The following GATM variants were observed in gnomAD, a reference collection of about 807,000 sequenced individuals.
The protein encoded by GATM is glycine amidinotransferase, mitochondrial.
A neutral mutation model predicts 54.2 loss-of-function variants in GATM; 23 were observed. The observed-to-expected ratio is 0.42, with a 90% CI of 0.31 to 0.60. The LOEUF is 0.60. Ranked by LOEUF, GATM falls within the 20% of genes least tolerant of loss-of-function variation. GATM has a pLI of 0.14. For missense variants in GATM, 401 were observed against 544.9 expected, an observed-to-expected ratio of 0.74 and a Z score of 2.63; for synonymous variants, 168 against 183.1, an observed-to-expected ratio of 0.92 and a Z score of 0.67.
intron 6 of GATM, among the ~76,000 whole-genome samples, chr15:45,365,607 CT>C (rs1889435320): frequency 6.6e-6 from 1 of 152,164 alleles, no homozygotes; most frequent in South Asian, 2.1e-4. Flanking sequence ...AGTGGCTTCA[CT>C]TTTCCCTACA....
chr15:45,388,379 A>G (rs1218409010), intron 3 of GATM, among the ~76,000 whole-genome samples: 2 of 152,250 alleles, frequency 1.3e-5, no homozygotes, highest in East Asian at 3.8e-4. Flanking sequence ...CAGCTAAGAT[A>G]CATTTGCTAA....
At chr15:45,362,395 TA>T (rs1168036371) in intron 8 of GATM, among the ~76,000 whole-genome samples, 174 bp from the exon 9 acceptor site, 1 of 152,236 alleles carries the variant, frequency 6.6e-6, no homozygotes, top group Non-Finnish European at 1.5e-5. Context: ...CATCTGCTAA[TA>T]TAAAATCTTC....
chr15:45,389,969 T>C (rs555175236), intron 3 of GATM, among the ~76,000 whole-genome samples: 378 of 152,170 alleles, frequency 2.5e-3, no homozygotes, highest in Non-Finnish European at 3.8e-3. Context: ...AAGCAATTCT[T>C]GTGCCCCTGC....
At chr15:45,382,879 A>G (rs1437965336), upstream of GATM, among the ~76,000 whole-genome samples, 1 of 152,104 alleles carries the variant, frequency 6.6e-6, no homozygotes, top group Non-Finnish European at 1.5e-5. Context: ...TTGCTTCCTA[A>G]TTATGTTTCC....
At chr15:45,386,610 G>A (rs1889806750) in intron 3 of GATM, among the ~76,000 whole-genome samples, 1 of 152,190 alleles carries the variant, frequency 6.6e-6, no homozygotes, top group African/African-American at 2.4e-5. Flanking sequence ...TCTCTGTTGT[G>A]CACTTTGCCC....
At chr15:45,394,038 C>G (rs7181167) in intron 3 of GATM, among the ~76,000 whole-genome samples, 48,599 of 152,006 alleles carry the variant, frequency 0.32, 8,881 homozygotes, top group East Asian at 0.83. Flanking sequence ...CACATAGCAT[C>G]AACTCTTACA....
At chr15:45,378,224 T>C (rs1937479876) in intron 1 of GATM, 161 bp downstream of exon 1, 1 of 534,466 alleles carries the variant, frequency 1.9e-6, no homozygotes, top group Non-Finnish European at 3.2e-6. Flanking sequence ...CTCTTGAAGC[T>C]GAGCTTCCCA....
intron 6 of GATM, among the ~76,000 whole-genome samples, chr15:45,365,766 A>T (rs913925433): frequency 1.3e-5 from 2 of 152,240 alleles, no homozygotes; most frequent in Non-Finnish European, 2.9e-5. Flanking sequence ...ATCGTTTGAT[A>T]AAAATACACA....
At chr15:45,389,288 G>T (rs563836617) in intron 3 of GATM, among the ~76,000 whole-genome samples, 2 of 152,264 alleles carry the variant, frequency 1.3e-5, no homozygotes, top group African/African-American at 4.8e-5. Flanking sequence ...ACAAAAATTG[G>T]TCATTATACT....
intron 2 of GATM, among the ~76,000 whole-genome samples, chr15:45,370,383 AAAAAAGAAAAAG>A (rs535152738): frequency 1.1e-4 from 16 of 146,776 alleles, no homozygotes; most frequent in African/African-American, 2.7e-4. Flanking sequence ...CTCAAAAAAA[AAAAAAGAAAAAG>A]AAAAAGAAAA....
chr15:45,362,204 C>T lies in GATM; in HGVS notation c.1177G>A (p.Val393Ile), dbSNP rs1247172287. 2 of 1,609,984 alleles carry T rather than the reference C, an allele frequency of 1.2e-6. No homozygotes were observed. The highest frequency in any genetic ancestry group is 1.7e-6 in the Non-Finnish European group (2 of 1,176,412). The change falls in exon 9 of 9, where the codon GTT becomes ATT. Residue 393 changes from valine (V) to isoleucine (I), a missense_variant. Physicochemically the swap from Val to Ile is conservative, Grantham distance 29. Transcript: ENST00000396659. ...AGGGAATTGGCATTACGAATGTTAA[C>T]TTTAATGGTAGTGATACCTGCATTG... ...FEKLGITTIK[V>I]NIRNANSLGG...
chr15:45,376,562 G>A (rs1889639767), intron 2 of GATM, 39 bp downstream of exon 2: 1 of 1,551,878 alleles, frequency 6.4e-7, no homozygotes, highest in Middle Eastern at 1.8e-4. Flanking sequence ...CAGGTGAGGA[G>A]GGAGCGCACT....
chr15:45,369,152 T>C (rs564430020), intron 3 of GATM, among the ~76,000 whole-genome samples, 174 bp downstream of exon 3: 30 of 152,336 alleles, frequency 2.0e-4, no homozygotes, highest in African/African-American at 6.7e-4. Flanking sequence ...TTAGAATGTA[T>C]ACATCTTAAT....
chr15:45,368,377 C>A lies in GATM; in HGVS notation c.485-117G>T. ...CTGTAATCCCACCACTTTGGGAGGC[C>A]AAGACGGGCGGATCACTTGATCCTC... On this transcript the variant is annotated intron_variant, in intron 3 of 8. Transcript: ENST00000396659. This position sits in a 1 kb window ranked among gnomAD's most constrained non-coding sequence, Gnocchi z 5.1. 1 of 840,062 alleles carries A rather than the reference C, an allele frequency of 1.2e-6. No individual in the cohort carries two copies. The highest frequency in any genetic ancestry group is 2.0e-6 in the Non-Finnish European group (1 of 509,186). The allele number at this position is 840,062 out of a possible 1,614,324, so 52.0% of individuals were successfully genotyped here.
upstream of GATM, chr15:45,378,681 G>A: frequency 5.0e-6 from 2 of 400,288 alleles, no homozygotes; most frequent in Non-Finnish European, 8.9e-6. Flanking sequence ...AAGCGCCGCG[G>A]CCGCTGGCTC....
intron 3 of GATM, among the ~76,000 whole-genome samples, chr15:45,387,738 T>A (rs192079689): frequency 1.4e-4 from 22 of 152,362 alleles, no homozygotes; most frequent in African/African-American, 5.3e-4. Context: ...ATATTTACAA[T>A]GTTTGAGAGA....
intron 3 of GATM, among the ~76,000 whole-genome samples, chr15:45,384,702 C>A (rs900742034): frequency 6.6e-6 from 1 of 152,052 alleles, no homozygotes; most frequent in Non-Finnish European, 1.5e-5. Context: ...TAAATTGACA[C>A]TTCCCCACCC....
At chr15:45,381,046 T>C (rs1489591254), upstream of GATM, among the ~76,000 whole-genome samples, 1 of 152,224 alleles carries the variant, frequency 6.6e-6, no homozygotes, top group African/African-American at 2.4e-5. Flanking sequence ...CATATTAGAT[T>C]GTTTGTCTAA....
chr15:45,367,202 A>G (rs1889463764), intron 4 of GATM, among the ~76,000 whole-genome samples: 1 of 152,090 alleles, frequency 6.6e-6, no homozygotes, highest in African/African-American at 2.4e-5. Flanking sequence ...TTCGTCAGGC[A>G]TGGTGGCATG....
Sources: allele counts gnomAD v4.1 joint callset (sites outside exome capture counted in the v4.1 genomes callset), GRCh38; gene constraint gnomAD v4.1.1; non-coding constraint Gnocchi (gnomAD v3.1); transcripts MANE v1.5; gene names NCBI Gene and HGNC (gene_info 2026-07-23, HGNC 2026-07-21).